Variants in SEMA3G observed in about 807,000 individuals in gnomAD.
SEMA3G encodes semaphorin 3G.
A neutral mutation model predicts 86.2 loss-of-function variants in SEMA3G; 70 were observed. The observed-to-expected ratio is 0.81, with a 90% CI of 0.67 to 0.99. The LOEUF (loss-of-function observed/expected upper bound fraction) is 0.99, where lower values mean the gene tolerates loss of function less well. SEMA3G is among the 50% of genes least tolerant of loss of function. The pLI is 0.00. For missense variants in SEMA3G, 1,002 were observed against 1,072.4 expected (o/e 0.93, Z 0.92); for synonymous variants, 416 against 441.4 (o/e 0.94, Z 0.72).
In SEMA3G at chr3:52,440,386, G is replaced by A. The variant is rs761565061; in HGVS notation, c.1134C>T (p.Arg378=). 1.2e-6 allele frequency: 2 copies of A among 1,604,866 alleles called. No individual in the cohort carries two copies. The highest frequency in any genetic ancestry group is 1.7e-6 in the Non-Finnish European group (2 of 1,176,854). The part of the protein sequence containing the change: ...GPYGGKVPFP[R]PGVCPSKMTA... ...CCCAGCAGATACTCACCACGCCAGG[G>A]CGAGGGAAGGGCACCTTGCCCCCAT... is the stretch of plus-strand genomic sequence containing the variant. Residue 378 remains arginine, a synonymous_variant, in exon 10 of 16, where the codon CGC becomes CGT. Transcript: ENST00000231721.
At position 52,438,146 on chromosome 3, in the gene SEMA3G, T is replaced by C. The variant is rs775913988; in HGVS notation, c.1563A>G (p.Gln521=). Residue 521 remains glutamine, a synonymous_variant, in exon 14 of 16, where the codon CAA becomes CAG. Transcript: ENST00000231721. ...RLGVAQLRLH[Q]CETYGTACAE... is the part of the protein sequence containing the mutation. ...CACAGGCAGTGCCGTAAGTCTCACA[T>C]TGGTGCAGCCGCAGCTGGGCCACAC... is the stretch of plus-strand genomic sequence containing the variant. The C allele has an allele frequency of 1.9e-6, 3 of 1,613,262 alleles. No individual in the cohort carries two copies. The highest frequency in any genetic ancestry group is 2.5e-6 in the Non-Finnish European group (3 of 1,180,004).
chr3:52,439,001 C>A, intron 12 of SEMA3G, 40 bp from the exon 13 acceptor site: 6 of 1,602,782 alleles, frequency 3.7e-6, no homozygotes, highest in South Asian at 1.1e-5. Context: ...TCGGGTGGAC[C>A]AAGACCTGCC....
chr3:52,437,581 G>A lies in SEMA3G; in HGVS notation c.1824C>T (p.Pro608=). The change falls in exon 15 of 16, where the codon CCC becomes CCT. Residue 608 remains proline (P), a synonymous_variant. Coordinates refer to ENST00000231721, the MANE Select transcript of SEMA3G (RefSeq NM_020163.3). ...GCAAGAGCCAGCGCACAGCAGCCTG[G>A]GGAGACTTGGGCAGGCACTCCAGGA... ...STFLECLPKS[P]QAAVRWLLQR... The A allele has an allele frequency of 6.2e-7, 1 of 1,613,188 alleles. No homozygotes were observed. Among genetic ancestry groups the A allele is most frequent in the South Asian group, 1.1e-5 (1 of 91,072 alleles).
In SEMA3G at chr3:52,439,960, C is replaced by T. The variant is rs777636871; in HGVS notation, c.1282G>A (p.Val428Ile). 5 of 1,613,806 alleles carry T rather than the reference C, an allele frequency of 3.1e-6. No individual in the cohort carries two copies. The highest frequency in any genetic ancestry group is 1.7e-5 in the Admixed American group (1 of 60,026). Residue 428 changes from valine to isoleucine, a missense_variant, in exon 11 of 16, where the codon GTC becomes ATC. By Grantham distance (29) the Val-to-Ile change is conservative. Transcript: ENST00000231721. ...VRPRHGRPVL[V>I]KTHLAQQLHQ... Reference sequence around the variant, plus strand: ...AGCTGCTGGGCCAGGTGGGTCTTGACAAGGACAGGGCGGCCATGTCGAGGC... The same window carrying T: ...AGCTGCTGGGCCAGGTGGGTCTTGATAAGGACAGGGCGGCCATGTCGAGGC...
rs2153229790 is a variant in SEMA3G at position 52,444,933 on chromosome 3, C to T, written c.95G>A (p.Arg32His). 3.8e-6 allele frequency: 5 copies of T among 1,303,122 alleles called. No individual in the cohort carries two copies. The highest frequency in any genetic ancestry group is 3.1e-5 in the East Asian group (1 of 32,014). The allele number at this position is 1,303,122 out of a possible 1,614,324, so 80.7% of individuals were successfully genotyped here. Residue 32 changes from arginine to histidine, a missense_variant, in exon 1 of 16, where the codon CGC becomes CAC. Arg to His is a conservative substitution (Grantham distance 29). Transcript: ENST00000231721. ...SGPSPGPSVP[R>H]LRLSYRDLLS... ...GGTACCTCGGTAGGAGAGCCGCAGG[C>T]GGGGCACACTGGGGCCGGGGCTGGG...
chr3:52,438,977 G>A lies in SEMA3G; in HGVS notation c.1468-16C>T. The A allele has an allele frequency of 6.2e-7, 1 of 1,612,772 alleles. No individual in the cohort carries two copies. The highest frequency in any genetic ancestry group is 8.5e-7 in the Non-Finnish European group (1 of 1,179,296). The stretch of plus-strand genomic sequence containing the variant: ...GTGTTGGCACCTGGGGAAGGAGAAG[G>A]GTCTCAGTGTGGGTCGGGTGGACCA... On this transcript the variant is annotated splice_polypyrimidine_tract_variant and intron_variant, in intron 12 of 15. Transcript: ENST00000231721.
Position 52,442,118 on chromosome 3 carries a change from A to T in SEMA3G, c.459+67T>A. ...CTGTCCCTACCCAGGCTCAATGGGA[A>T]TGTTCAGGCAGCAGGGAGGAAATGT... On this transcript the variant is annotated intron_variant, in intron 4 of 15. Transcript: ENST00000231721. The surrounding 1 kb of genome is among the most constrained non-coding windows in gnomAD (Gnocchi z 6.1). 1 of 1,547,926 alleles carries T rather than the reference A, an allele frequency of 6.5e-7. No homozygotes were observed. The highest frequency in any genetic ancestry group is 8.8e-7 in the Non-Finnish European group (1 of 1,142,608).
rs761905746 is a variant in SEMA3G, at chr3:52,437,598, A to C, written c.1807T>G (p.Cys603Gly). The change falls in exon 15 of 16, where the codon TGC (cysteine) becomes GGC (glycine). Residue 603 changes from cysteine (C) to glycine (G), a missense_variant. By Grantham distance (159) the Cys-to-Gly change is radical. Coordinates refer to ENST00000231721, the MANE Select transcript of SEMA3G (RefSeq NM_020163.3). ...GCAGCCTGGGGAGACTTGGGCAGGC[A>C]CTCCAGGAAGGTGCTATTGTGCTCC... is the stretch of plus-strand genomic sequence containing the variant. ...GTEHNSTFLE[C>G]LPKSPQAAVR... 3.1e-6 allele frequency: 5 copies of C among 1,613,028 alleles called. No homozygotes were observed. The highest frequency in any genetic ancestry group is 1.7e-6 in the Non-Finnish European group (2 of 1,179,896).
rs769231842 is a variant in SEMA3G at position 52,435,997 on chromosome 3, G to A, written c.1955C>T (p.Thr652Ile). The change falls in exon 16 of 16, where the codon ACC becomes ATC. Residue 652 changes from threonine to isoleucine, a missense_variant. By Grantham distance (89) the Thr-to-Ile change is moderately conservative. Coordinates refer to ENST00000231721, the MANE Select transcript of SEMA3G (RefSeq NM_020163.3). ...FRRLSRFDAGTYTCTTLEHGF... is the reference protein window; with the variant it reads ...FRRLSRFDAGIYTCTTLEHGF... ...ATGCTCCAGAGTGGTGCAGGTGTAGGTGCCCGCATCGAAACGGCTAAGCCT... is the reference window on the plus strand; with the variant it reads ...ATGCTCCAGAGTGGTGCAGGTGTAGATGCCCGCATCGAAACGGCTAAGCCT... The A allele has an allele frequency of 5.0e-6, 8 of 1,613,730 alleles. No individual in the cohort carries two copies. Among genetic ancestry groups the A allele is most frequent in the African/African-American group, 4.0e-5 (3 of 74,944 alleles).
chr3:52,436,034 GC>G lies in SEMA3G; in HGVS notation c.1917del (p.Leu640CysfsTer34). On this transcript the variant is annotated frameshift_variant, in exon 16 of 16. Coordinates refer to ENST00000231721, the MANE Select transcript of SEMA3G (RefSeq NM_020163.3). LOFTEE classifies it low-confidence loss of function (END_TRUNC). ...AAACGGCTAAGCCTGCGGAACAGCAGCCCCCGCTCCGTGTGCAAGACTCGCT... is the reference window on the plus strand; with the variant it reads ...AAACGGCTAAGCCTGCGGAACAGCAGCCCCGCTCCGTGTGCAAGACTCGCT... Reference protein sequence around the residue: ...TDERVLHTERGLLFRRLSRFD... With the variant: ...TDERVLHTERXLLFRRLSRFD... 8.1e-6 allele frequency: 13 copies of G among 1,612,878 alleles called. No individual in the cohort carries two copies. The highest frequency in any genetic ancestry group is 1.0e-5 in the Non-Finnish European group (12 of 1,179,648).
chr3:52,435,559 G>A lies in SEMA3G; in HGVS notation c.*44C>T. On this transcript the variant is annotated 3_prime_UTR_variant, in exon 16 of 16. Coordinates refer to ENST00000231721, the MANE Select transcript of SEMA3G (RefSeq NM_020163.3). ...GGGTGGGAGATGCTGGGGGCTGCTA[G>A]TGGGCCCCCCAGCCCATCCTGACCA... 6.5e-7 allele frequency: 1 copy of A among 1,550,240 alleles called. No homozygotes were observed. The highest frequency in any genetic ancestry group is 8.8e-7 in the Non-Finnish European group (1 of 1,141,070).
At chr3:52,437,887 T>G (rs923099432) in intron 14 of SEMA3G, 84 bp downstream of exon 14, 26 of 1,300,116 alleles carry the variant, frequency 2.0e-5, no homozygotes, top group Non-Finnish European at 2.6e-5. Context: ...AAGACCAATC[T>G]GAGAATGCAC....
intron 12 of SEMA3G, 135 bp downstream of exon 12, chr3:52,439,545 T>A: frequency 1.4e-6 from 1 of 701,386 alleles, no homozygotes; most frequent in Non-Finnish European, 2.5e-6. Context: ...CTGCATCCCC[T>A]CCCCAGCATC....
chr3:52,444,875 G>A (rs1706236811), intron 1 of SEMA3G, 38 bp downstream of exon 1: 1 of 1,289,646 alleles, frequency 7.8e-7, no homozygotes, highest in East Asian at 3.1e-5. Flanking sequence ...ACACAAACAG[G>A]GCACATGCAC....
intron 6 of SEMA3G, 51 bp downstream of exon 6, chr3:52,441,523 A>G (rs927291868): frequency 4.4e-6 from 7 of 1,585,588 alleles, no homozygotes; most frequent in Non-Finnish European, 5.2e-6. Flanking sequence ...CTGGTGTCCT[A>G]GCTGGGAAGG....
In SEMA3G at chr3:52,437,888, G is replaced by C; in HGVS notation, c.1738+83C>G. ...CTATCCGTCATGACAAGACCAATCTGAGAATGCACTTCGCAGGGGTGGAGC... is the reference window on the plus strand; with the variant it reads ...CTATCCGTCATGACAAGACCAATCTCAGAATGCACTTCGCAGGGGTGGAGC... On this transcript the variant is annotated intron_variant, in intron 14 of 15. Transcript: ENST00000231721. The C allele has an allele frequency of 2.3e-6, 3 of 1,305,734 alleles. No homozygotes were observed. In the South Asian group the frequency reaches 3.7e-5, roughly 16 times the overall value. 80.9% of individuals were successfully genotyped at this position (1,305,734 alleles called of 1,614,324 possible). A position where few individuals can be genotyped will look rare whatever the true frequency, so the allele number is the denominator to read the frequency against.
Position 52,442,208 on chromosome 3 carries a change from T to G in SEMA3G, c.436A>C (p.Ile146Leu), listed in dbSNP as rs776796107. 5 of 1,613,460 alleles carry G rather than the reference T, an allele frequency of 3.1e-6. No homozygotes were observed. In the South Asian group the frequency reaches 5.5e-5, roughly 18 times the overall value. ...ACCTCCCCACGGTGGCCAACTGTGATGAGGGCACAGGTGGGCTGGAAGGCC... is the reference window on the plus strand; with the variant it reads ...ACCTCCCCACGGTGGCCAACTGTGAGGAGGGCACAGGTGGGCTGGAAGGCC... ...TGAFQPTCALITVGHRGEHVL... is the reference protein window; with the variant it reads ...TGAFQPTCALLTVGHRGEHVL... Residue 146 changes from isoleucine to leucine, a missense_variant, in exon 4 of 16, where the codon ATC (isoleucine) becomes CTC (leucine). Ile to Leu is a conservative substitution (Grantham distance 5). Coordinates refer to ENST00000231721, the MANE Select transcript of SEMA3G (RefSeq NM_020163.3). This position sits in a 1 kb window ranked among gnomAD's most constrained non-coding sequence, Gnocchi z 6.1.
At position 52,441,317 on chromosome 3, in the gene SEMA3G, G is replaced by A; in HGVS notation, c.760C>T (p.Pro254Ser). 1 of 1,613,740 alleles carries A rather than the reference G, an allele frequency of 6.2e-7. No individual in the cohort carries two copies. The highest frequency in any genetic ancestry group is 8.5e-7 in the Non-Finnish European group (1 of 1,180,026). Residue 254 changes from proline to serine, a missense_variant, in exon 7 of 16, where the codon CCC becomes TCC. Transcript: ENST00000231721. Reference sequence around the variant, plus strand: ...GTGACATGGTTCGAGCCACCATCGGGCGAGGGGACCGTCTCCGAGAAGAAG... The same window carrying A: ...GTGACATGGTTCGAGCCACCATCGGACGAGGGGACCGTCTCCGAGAAGAAG... ...YFFFSETVPS[P>S]DGGSNHVTVS...
In SEMA3G at chr3:52,437,998, G is replaced by A. The variant is rs999758159; in HGVS notation, c.1711C>T (p.Leu571=). The A allele has an allele frequency of 6.2e-7, 1 of 1,612,730 alleles. No individual in the cohort carries two copies. The highest frequency in any genetic ancestry group is 8.5e-7 in the Non-Finnish European group (1 of 1,179,884). ...TCCTGGCTCTGGCCCAGGCACTGCA[G>A]GGCAGGGTTGCCGTGCCGGATGTCC... ...RQDIRHGNPA[L]QCLGQSQEEE... is the part of the protein sequence containing the mutation. The change falls in exon 14 of 16, where the codon CTG becomes TTG. Residue 571 remains leucine (L), a synonymous_variant. Coordinates refer to ENST00000231721, the MANE Select transcript of SEMA3G (RefSeq NM_020163.3).
Sources: allele counts gnomAD v4.1 joint callset, GRCh38; gene constraint gnomAD v4.1.1; non-coding constraint Gnocchi (gnomAD v3.1); transcripts MANE v1.5; gene names NCBI Gene and HGNC (gene_info 2026-07-23, HGNC 2026-07-21).